NOTCH1: variants seen among roughly 807,000 people sequenced by gnomAD.
The protein encoded by NOTCH1 is notch receptor 1, also known as neurogenic locus notch homolog protein 1.
A neutral mutation model predicts 254.8 loss-of-function variants in NOTCH1; 37 were observed. The ratio of observed to expected loss-of-function variants is 0.15; its 90% CI spans 0.11 to 0.19. The LOEUF is 0.19. Among genes scored for constraint, NOTCH1 ranks in the 10% least tolerant of loss-of-function variants. The probability of loss-of-function intolerance (pLI) is 1.00; values close to 1 mark genes in which losing one functional copy is unlikely to be tolerated. For missense variants in NOTCH1, 2,972 were observed against 3,708.6 expected, an observed-to-expected ratio of 0.80 and a Z score of 5.16; for synonymous variants, 1,731 against 1,618.1, an observed-to-expected ratio of 1.07 and a Z score of -1.68.
chr9:136,531,703 G>A (rs764842462), intron 2 of NOTCH1, among the ~76,000 whole-genome samples: 24 of 152,354 alleles, frequency 1.6e-4, no homozygotes, highest in Admixed American at 9.1e-4. Flanking sequence ...GGACGAAGCC[G>A]AAGCCCACGC....
chr9:136,532,395 A>C (rs1843575762), intron 2 of NOTCH1, among the ~76,000 whole-genome samples: 1 of 152,116 alleles, frequency 6.6e-6, no homozygotes, highest in African/African-American at 2.4e-5. Context: ...GACCTCGCCC[A>C]AATCCCACAC....
chr9:136,515,309 G>A lies in NOTCH1; in HGVS notation c.1995C>T (p.Ala665=), dbSNP rs745523816. Residue 665 remains alanine (A), a synonymous_variant, in exon 12 of 34, where the codon GCC becomes GCT. Coordinates refer to ENST00000651671, the MANE Select transcript of NOTCH1 (RefSeq NM_017617.5). Reference sequence around the variant, plus strand: ...GCTCACCTGTGTAGCCCGGCTCACAGGCACACTCGTAGCCATCGATCTTGT... The same window carrying A: ...GCTCACCTGTGTAGCCCGGCTCACAAGCACACTCGTAGCCATCGATCTTGT... ...CLDKIDGYEC[A]CEPGYTGSMC... 6.2e-7 allele frequency: 1 copy of A among 1,612,946 alleles called. No individual in the cohort carries two copies. The highest frequency in any genetic ancestry group is 1.1e-5 in the South Asian group (1 of 91,088).
At position 136,497,344 on chromosome 9, in the gene NOTCH1, G is replaced by A. The variant is rs777501680; in HGVS notation, c.6395C>T (p.Thr2132Met). Residue 2132 changes from threonine to methionine, a missense_variant, in exon 34 of 34, where the codon ACG (threonine) becomes ATG (methionine). By Grantham distance (81) the Thr-to-Met change is moderately conservative. Around this residue, in one of 8 missense-constraint regions of NOTCH1, gnomAD observed 529 missense variants for 529.2 expected, o/e 1.00. Coordinates refer to ENST00000651671, the MANE Select transcript of NOTCH1 (RefSeq NM_017617.5). ...PQLHGAPLGG[T>M]PTLSPPLCSP... ...GCAGAGCGGGGGCGACAGGGTGGGC[G>A]TGCCCCCCAGCGGGGCTCCGTGCAG... The A allele has an allele frequency of 2.7e-5, 44 of 1,606,072 alleles. No individual in the cohort carries two copies. The highest frequency in any genetic ancestry group is 3.1e-5 in the Non-Finnish European group (36 of 1,179,240).
At chr9:136,517,448 G>T in intron 8 of NOTCH1, 63 bp from the exon 9 acceptor site, 1 of 1,184,804 alleles carries the variant, frequency 8.4e-7, no homozygotes, top group Non-Finnish European at 1.2e-6. Context: ...GGGCACAGCT[G>T]TGGACTTGGG....
Position 136,495,768 on chromosome 9 carries a change from C to A in NOTCH1, c.*303G>T, listed in dbSNP as rs927265460. The A allele has an allele frequency of 2.4e-6, 1 of 418,760 alleles. No homozygotes were observed. The highest frequency in any genetic ancestry group is 2.0e-5 in the African/African-American group (1 of 48,820). 25.9% of individuals were successfully genotyped at this position (418,760 alleles called of 1,614,324 possible). On this transcript the variant is annotated 3_prime_UTR_variant, in exon 34 of 34. Coordinates refer to ENST00000651671, the MANE Select transcript of NOTCH1 (RefSeq NM_017617.5). ...AATCTTTGTTTATATTTTATAAACA[C>A]AGAAGAATCTTTTCATCCTACGTAG... is the stretch of plus-strand genomic sequence containing the variant.
At chr9:136,537,711 G>C (rs764601246) in intron 2 of NOTCH1, among the ~76,000 whole-genome samples, 1 of 152,154 alleles carries the variant, frequency 6.6e-6, no homozygotes, top group South Asian at 2.1e-4. Context: ...CAGGAGGATC[G>C]CTTGAGCCCA....
In NOTCH1 at chr9:136,515,497, AG is replaced by A. The variant is rs1564197544; in HGVS notation, c.1888del (p.Leu630Ter). On this transcript the variant is annotated frameshift_variant, in exon 11 of 34. Transcript: ENST00000651671. LOFTEE classifies it high-confidence loss of function. ...DRDNAYLCFC[L>X]KGTTGPNCEI... ...TGGCCGGCCACCTGTGGTCCCCTTC[AG>A]GCAGAAGCAGAGGTAGGCGTTGTCG... 1 of 1,611,922 alleles carries A rather than the reference AG, an allele frequency of 6.2e-7. No individual in the cohort carries two copies. Among genetic ancestry groups the A allele is most frequent in the Non-Finnish European group, 8.5e-7 (1 of 1,179,730 alleles).
rs747864683 is a variant in NOTCH1 at position 136,518,177 on chromosome 9, C to T, written c.1215G>A (p.Thr405=). 14 of 1,600,376 alleles carry T rather than the reference C, an allele frequency of 8.7e-6. No homozygotes were observed. The highest frequency in any genetic ancestry group is 2.3e-5 in the East Asian group (1 of 44,266). The change falls in exon 7 of 34, where the codon ACG becomes ACA. Residue 405 remains threonine, a synonymous_variant. Coordinates refer to ENST00000651671, the MANE Select transcript of NOTCH1 (RefSeq NM_017617.5). Reference sequence around the variant, plus strand: ...CCACGTCCTGGCTGCAGGCCGGGCCCGTGTACCCCGAGGGGCAGGTGCAGA... The same window carrying T: ...CCACGTCCTGGCTGCAGGCCGGGCCTGTGTACCCCGAGGGGCAGGTGCAGA... ...KAICTCPSGY[T]GPACSQDVDE... is the part of the protein sequence containing the mutation.
rs904315692 is a variant in NOTCH1 at position 136,523,148 on chromosome 9, G to C, written c.444C>G (p.Pro148=). The part of the protein sequence containing the change: ...CQQADPCASN[P]CANGGQCLPF... ...GCAGGCACTGGCCACCGTTGGCGCA[G>C]GGGTTGGAGGCGCACGGGTCAGCCT... The change falls in exon 4 of 34, where the codon CCC becomes CCG. Residue 148 remains proline, a synonymous_variant. Transcript: ENST00000651671. The C allele has an allele frequency of 1.2e-6, 2 of 1,606,054 alleles. No individual in the cohort carries two copies. Among genetic ancestry groups the C allele is most frequent in the Non-Finnish European group, 8.5e-7 (1 of 1,177,282 alleles).
intron 30 of NOTCH1, 112 bp downstream of exon 30, chr9:136,501,636 C>T: frequency 7.6e-7 from 1 of 1,322,932 alleles, no homozygotes; most frequent in Non-Finnish European, 1.1e-6. Context: ...TGAAAGCTCT[C>T]ACCCCCAATT....
chr9:136,502,159 G>T, intron 28 of NOTCH1, 71 bp from the exon 29 acceptor site: 1 of 1,598,028 alleles, frequency 6.3e-7, no homozygotes. Flanking sequence ...CCCTGGCCCG[G>T]GCCTGGCGTG....
chr9:136,510,596 G>T, intron 17 of NOTCH1, 57 bp downstream of exon 17: 1 of 1,568,174 alleles, frequency 6.4e-7, no homozygotes, highest in East Asian at 2.3e-5. Context: ...AACCCTGCCC[G>T]GGGGAACTGA....
intron 2 of NOTCH1, 121 bp downstream of exon 2, chr9:136,543,903 G>A (rs1030859688): frequency 1.2e-5 from 11 of 926,166 alleles, no homozygotes; most frequent in African/African-American, 6.5e-5. Flanking sequence ...GCACGTGACC[G>A]TGCCCAGACT....
Position 136,497,040 on chromosome 9 carries a change from G to T in NOTCH1, c.6699C>A (p.His2233Gln). 1 of 1,609,612 alleles carries T rather than the reference G, an allele frequency of 6.2e-7. No individual in the cohort carries two copies. The highest frequency in any genetic ancestry group is 8.5e-7 in the Non-Finnish European group (1 of 1,178,282). The change falls in exon 34 of 34, where the codon CAC becomes CAA. Residue 2233 changes from histidine (H) to glutamine (Q), a missense_variant. His to Gln is a conservative substitution (Grantham distance 24). Coordinates refer to ENST00000651671, the MANE Select transcript of NOTCH1 (RefSeq NM_017617.5). ...FQQSPSVPLN[H>Q]LPGMPDTHLG... The stretch of plus-strand genomic sequence containing the variant: ...GGTGGGTGTCGGGCATCCCAGGCAG[G>T]TGGTTGAGGGGCACGGACGGAGACT...
At chr9:136,505,193 G>T in intron 25 of NOTCH1, 89 bp from the exon 26 acceptor site, 1 of 1,526,532 alleles carries the variant, frequency 6.6e-7, no homozygotes, top group East Asian at 2.4e-5. Flanking sequence ...CCAGCCGCGG[G>T]GGACGTCCCT....
chr9:136,543,472 C>T (rs756314000), intron 2 of NOTCH1: 11 of 261,996 alleles, frequency 4.2e-5, no homozygotes, highest in Non-Finnish European at 7.6e-5. Context: ...GGCATTGCCG[C>T]CAGCCCAGGA....
intron 19 of NOTCH1, 119 bp downstream of exon 19, chr9:136,508,751 G>A: frequency 9.8e-7 from 1 of 1,022,380 alleles, no homozygotes. Context: ...CTCTGCCCGG[G>A]GGTGTGGGGG....
At chr9:136,543,534 G>C in intron 2 of NOTCH1, 1 of 307,116 alleles carries the variant, frequency 3.3e-6, no homozygotes, top group Non-Finnish European at 6.3e-6. Flanking sequence ...GGCATCACCT[G>C]TGCCAGAGGA....
intron 8 of NOTCH1, 128 bp from the exon 9 acceptor site, chr9:136,517,513 G>A (rs1002919453): frequency 1.9e-5 from 16 of 822,922 alleles, no homozygotes; most frequent in Middle Eastern, 2.7e-4. Flanking sequence ...GGCCCCCTGC[G>A]CACCCGCTCC....
Sources: allele counts gnomAD v4.1 joint callset (sites outside exome capture counted in the v4.1 genomes callset), GRCh38; gene constraint gnomAD v4.1.1; regional missense constraint gnomAD v4.1.1; transcripts MANE v1.5; gene names NCBI Gene and HGNC (gene_info 2026-07-23, HGNC 2026-07-21).